Variants in IL1RAP observed in about 807,000 individuals in gnomAD.
IL1RAP encodes the protein interleukin 1 receptor accessory protein.
IL1RAP carries 35 observed loss-of-function variants against 60.7 expected under a neutral mutation model. The ratio of observed to expected loss-of-function variants is 0.58; its 90% CI spans 0.44 to 0.76. The LOEUF is 0.76. Among genes scored for constraint, IL1RAP ranks in the 30% least tolerant of loss-of-function variants. The probability of loss-of-function intolerance (pLI) is 0.00; values close to 1 mark genes in which losing one functional copy is unlikely to be tolerated. For missense variants in IL1RAP, 572 were observed against 693.9 expected (o/e 0.82, Z 1.97); for synonymous variants, 268 against 250.9 (o/e 1.07, Z -0.64).
intron 1 of IL1RAP, among the ~76,000 whole-genome samples, chr3:190,534,180 G>T (rs1426918033): frequency 6.6e-6 from 1 of 151,976 alleles, no homozygotes; most frequent in Non-Finnish European, 1.5e-5. Flanking sequence ...GGGTCCTACC[G>T]ATCGGTGCTG....
chr3:190,603,010 G>GA (rs1729988551), intron 3 of IL1RAP, among the ~76,000 whole-genome samples: 1 of 151,238 alleles, frequency 6.6e-6, no homozygotes, highest in African/African-American at 2.5e-5. Context: ...TTAAAATAAA[G>GA]AAAAAATTCT....
At chr3:190,572,073 G>A (rs1398547131) in intron 3 of IL1RAP, among the ~76,000 whole-genome samples, 2 of 151,882 alleles carry the variant, frequency 1.3e-5, no homozygotes, top group Non-Finnish European at 2.9e-5. Flanking sequence ...ATCTTTAATT[G>A]TTTGCCATAG....
chr3:190,549,333 A>C (rs569649732), intron 1 of IL1RAP, among the ~76,000 whole-genome samples: 20 of 152,258 alleles, frequency 1.3e-4, no homozygotes, highest in African/African-American at 4.6e-4. Context: ...AAAGAAGTAC[A>C]TCTAGCTGCC....
At chr3:190,538,999 T>C (rs1030558585) in intron 1 of IL1RAP, among the ~76,000 whole-genome samples, 1 of 152,166 alleles carries the variant, frequency 6.6e-6, no homozygotes, top group Non-Finnish European at 1.5e-5. Context: ...CCTTTAAAAA[T>C]TACCCAGTTT....
chr3:190,639,960 G>C lies in IL1RAP; in HGVS notation c.1052-4288G>C, dbSNP rs1163805786. Among the ~76,000 whole-genome samples the C allele has an allele frequency of 4.6e-5, 7 of 152,144 alleles. No individual in the cohort carries two copies. In the East Asian group the frequency reaches 1.3e-3, roughly 29 times the overall value. ...TCTCACAGCCCTTCATGTGCTCCTAGAGTTGATCTGTTCCCAGCTATTCTT... is the reference window on the plus strand; with the variant it reads ...TCTCACAGCCCTTCATGTGCTCCTACAGTTGATCTGTTCCCAGCTATTCTT... On this transcript the variant is annotated intron_variant, in intron 9 of 11. Transcript: ENST00000447382.
intron 3 of IL1RAP, among the ~76,000 whole-genome samples, chr3:190,580,651 G>T (rs1727914663): frequency 6.6e-6 from 1 of 152,156 alleles, no homozygotes; most frequent in Admixed American, 6.5e-5. Context: ...AGAAGGGGGA[G>T]AAATGGAGAG....
intron 3 of IL1RAP, among the ~76,000 whole-genome samples, chr3:190,582,468 C>T (rs896891180): frequency 8.6e-5 from 13 of 152,020 alleles, no homozygotes; most frequent in Middle Eastern, 3.4e-3. Context: ...TACACGCGTG[C>T]GCCACCACCC....
At chr3:190,633,407 A>G (rs1355865959) in intron 9 of IL1RAP, among the ~76,000 whole-genome samples, 1 of 152,210 alleles carries the variant, frequency 6.6e-6, no homozygotes, top group African/African-American at 2.4e-5. Context: ...CTTAGGCTGC[A>G]GTGCAGTGGC....
intron 1 of IL1RAP, among the ~76,000 whole-genome samples, chr3:190,527,601 A>G (rs1722616432): frequency 6.6e-6 from 1 of 151,934 alleles, no homozygotes; most frequent in South Asian, 2.1e-4. Context: ...ACCTGGAAGA[A>G]GCTGGTACCA....
At chr3:190,585,669 G>A (rs1055548699) in intron 3 of IL1RAP, among the ~76,000 whole-genome samples, 11 of 151,928 alleles carry the variant, frequency 7.2e-5, no homozygotes, top group Non-Finnish European at 1.0e-4. Flanking sequence ...AAAATTAGCC[G>A]GGCATGGTGG....
intron 7 of IL1RAP, 132 bp from the exon 8 acceptor site, chr3:190,627,191 C>T (rs1262823693): frequency 4.3e-6 from 3 of 704,674 alleles, no homozygotes; most frequent in African/African-American, 1.8e-5. Flanking sequence ...TCTGATTAGC[C>T]AGAGAGTAGA....
intron 1 of IL1RAP, among the ~76,000 whole-genome samples, chr3:190,522,289 G>GCTTCCTTCCTTCCTTC (rs72459878): frequency 0.013 from 1,802 of 135,408 alleles, 16 homozygotes; most frequent in Non-Finnish European, 0.014. Context: ...GCCTTCCTTT[G>GCTTCCTTCCTTCCTTC]CTTCCTTCCT....
chr3:190,626,173 G>A (rs9872229), intron 7 of IL1RAP, among the ~76,000 whole-genome samples: 9,011 of 152,152 alleles, frequency 0.059, 442 homozygotes, highest in African/African-American at 0.13. Context: ...TCAAATCCTG[G>A]CCCTTCACTT....
intron 5 of IL1RAP, among the ~76,000 whole-genome samples, chr3:190,612,897 A>G (rs542403020): frequency 2.0e-5 from 3 of 152,332 alleles, no homozygotes; most frequent in South Asian, 4.1e-4. Flanking sequence ...CTTTCATCAT[A>G]AGTTAAGGAA....
At chr3:190,590,934 T>G (rs1308006888) in intron 3 of IL1RAP, among the ~76,000 whole-genome samples, 1 of 152,218 alleles carries the variant, frequency 6.6e-6, no homozygotes, top group Non-Finnish European at 1.5e-5. Flanking sequence ...GATTTTATAC[T>G]TGCTACAAGT....
chr3:190,623,452 C>G, intron 7 of IL1RAP, 37 bp downstream of exon 7: 1 of 1,386,716 alleles, frequency 7.2e-7, no homozygotes, highest in Non-Finnish European at 1.0e-6. Flanking sequence ...CACTTAGATT[C>G]TCTTAATTAC....
intron 3 of IL1RAP, among the ~76,000 whole-genome samples, chr3:190,596,214 A>G (rs1289762418): frequency 6.6e-6 from 1 of 152,240 alleles, no homozygotes; most frequent in East Asian, 1.9e-4. Flanking sequence ...AGCACCTAGC[A>G]TAGTGCTTTG....
At chr3:190,634,907 G>C (rs1331614780) in intron 9 of IL1RAP, among the ~76,000 whole-genome samples, 1 of 152,066 alleles carries the variant, frequency 6.6e-6, no homozygotes, top group Non-Finnish European at 1.5e-5. Context: ...AGTAGAGACG[G>C]GGTTTCACTG....
rs541656025 is a variant in IL1RAP, at chr3:190,577,602, C to T, written c.64+13249C>T. 7.2e-5 allele frequency among the ~76,000 whole-genome samples: 11 copies of T among 152,282 alleles called. No homozygotes were observed. In the East Asian group the frequency reaches 1.9e-3, roughly 27 times the overall value. On this transcript the variant is annotated intron_variant, in intron 3 of 11. Transcript: ENST00000447382. ...TTGCTCTGTTACCTAGGCTAGAGTG[C>T]TCACTGCAGCCTCAAATTCCTGTGC...
Sources: gnomAD v4.1 joint callset for allele counts (sites outside exome capture counted in the v4.1 genomes callset) on GRCh38, gnomAD v4.1.1 for gene constraint, MANE v1.5 for transcripts, NCBI Gene and HGNC (gene_info 2026-07-23, HGNC 2026-07-21) for gene names.